The following CADPS2 variants were observed in gnomAD, a reference collection of about 807,000 sequenced individuals.
The protein encoded by CADPS2 is calcium-dependent secretion activator 2.
Under a neutral mutation model 172.5 loss-of-function variants are expected in CADPS2, and 93 were observed. The observed-to-expected ratio is 0.54, with a 90% confidence interval of 0.46 to 0.64. The LOEUF (loss-of-function observed/expected upper bound fraction) is 0.64, where lower values mean the gene tolerates loss of function less well. Among genes scored for constraint, CADPS2 ranks in the 30% least tolerant of loss-of-function variants. The pLI, the probability that CADPS2 is intolerant of heterozygous loss-of-function variation, is 0.00. For missense variants in CADPS2, 1,420 were observed against 1,565.9 expected (o/e 0.91, Z 1.57); for synonymous variants, 546 against 555.2 (o/e 0.98, Z 0.23).
At chr7:122,581,851 A>G (rs2068870570) in intron 6 of CADPS2, among the ~76,000 whole-genome samples, 1 of 152,126 alleles carries the variant, frequency 6.6e-6, no homozygotes, top group Admixed American at 6.5e-5. Flanking sequence ...TTTGTAGTTA[A>G]TTTCCCACTA....
chr7:122,677,904 C>G (rs565478313), intron 2 of CADPS2, among the ~76,000 whole-genome samples: 1 of 152,156 alleles, frequency 6.6e-6, no homozygotes, highest in Non-Finnish European at 1.5e-5. Context: ...TCAAGCATTC[C>G]GCAGCTTGAT....
chr7:122,351,253 G>T (rs1327785926), intron 27 of CADPS2, among the ~76,000 whole-genome samples: 1 of 150,478 alleles, frequency 6.6e-6, no homozygotes, highest in Non-Finnish European at 1.5e-5. Flanking sequence ...GGTGCCTGTA[G>T]TCCCAGCTAC....
At chr7:122,551,386 T>C (rs192353039) in intron 8 of CADPS2, among the ~76,000 whole-genome samples, 55 of 152,122 alleles carry the variant, frequency 3.6e-4, no homozygotes, top group African/African-American at 1.3e-3. Context: ...GTGGGAGGCA[T>C]TGAGAATTCA....
intron 1 of CADPS2, among the ~76,000 whole-genome samples, chr7:122,867,111 T>G (rs1003217434): frequency 6.6e-6 from 1 of 152,148 alleles, no homozygotes; most frequent in Non-Finnish European, 1.5e-5. Flanking sequence ...TGCTACCTGC[T>G]TCTACAAGAG....
At chr7:122,656,949 A>T (rs2079876020) in intron 3 of CADPS2, among the ~76,000 whole-genome samples, 1 of 152,148 alleles carries the variant, frequency 6.6e-6, no homozygotes, top group South Asian at 2.1e-4. Context: ...TAGGTCTAAC[A>T]CTTAAGTCTT....
chr7:122,618,738 C>A lies in CADPS2; in HGVS notation c.1104+2743G>T, dbSNP rs756019586. On this transcript the variant is annotated intron_variant, in intron 5 of 29. Transcript: ENST00000449022. ...TGAGGAGCAAGGCTTGCTGAAAGGA[C>A]TAGAGATAATTATTCAGTTTAGCTT... Among the ~76,000 whole-genome samples, 64 of 152,142 alleles carry A rather than the reference C, an allele frequency of 4.2e-4. 4 individuals carry two copies. Among genetic ancestry groups the A allele is most frequent in the Non-Finnish European group, 1.5e-4 (10 of 68,030 alleles).
chr7:122,645,793 T>C (rs2078487157), intron 3 of CADPS2, among the ~76,000 whole-genome samples: 1 of 147,928 alleles, frequency 6.8e-6, no homozygotes, highest in Non-Finnish European at 1.5e-5. Context: ...ATATGAGATA[T>C]ATATAAACAT....
intron 1 of CADPS2, among the ~76,000 whole-genome samples, chr7:122,748,015 C>A (rs1562927442): frequency 6.6e-6 from 1 of 152,152 alleles, no homozygotes; most frequent in African/African-American, 2.4e-5. Flanking sequence ...TACTAGGATG[C>A]AGATTTCTTC....
At chr7:122,715,856 G>T (rs2089520080) in intron 2 of CADPS2, among the ~76,000 whole-genome samples, 1 of 152,042 alleles carries the variant, frequency 6.6e-6, no homozygotes, top group South Asian at 2.1e-4. Flanking sequence ...ATAATGACAT[G>T]ATTTTGCTCC....
intron 28 of CADPS2, among the ~76,000 whole-genome samples, chr7:122,327,330 T>C (rs1311623326): frequency 1.3e-5 from 2 of 152,116 alleles, no homozygotes; most frequent in Non-Finnish European, 2.9e-5. Flanking sequence ...GTACAGTCAA[T>C]TGAGGCCCTT....
At chr7:122,578,212 C>CATAT (rs34509722) in intron 7 of CADPS2, among the ~76,000 whole-genome samples, 6 of 151,370 alleles carry the variant, frequency 4.0e-5, no homozygotes, top group Admixed American at 1.3e-4. Context: ...AATGTGTGCA[C>CATAT]ATATATATAT....
At chr7:122,487,623 G>T (rs931500845) in intron 11 of CADPS2, among the ~76,000 whole-genome samples, 2 of 152,086 alleles carry the variant, frequency 1.3e-5, no homozygotes, top group African/African-American at 4.8e-5. Flanking sequence ...AGTATGAAAG[G>T]CTTAGAAATT....
intron 1 of CADPS2, among the ~76,000 whole-genome samples, chr7:122,878,628 A>ACTGGGC (rs1821969870): frequency 6.9e-6 from 1 of 145,910 alleles, no homozygotes; most frequent in Non-Finnish European, 1.5e-5. Context: ...CGACAGAGCA[A>ACTGGGC]GACTCTGTCT....
intron 8 of CADPS2, among the ~76,000 whole-genome samples, chr7:122,532,752 G>A (rs962992316): frequency 1.3e-5 from 2 of 152,068 alleles, no homozygotes; most frequent in Non-Finnish European, 2.9e-5. Context: ...TATTTAAAAG[G>A]TATTTTATCT....
At chr7:122,448,939 T>A (rs1419475276) in intron 15 of CADPS2, among the ~76,000 whole-genome samples, 1 of 151,462 alleles carries the variant, frequency 6.6e-6, no homozygotes, top group African/African-American at 2.4e-5. Context: ...AAAAAAAAAA[T>A]AAAAAAATTA....
chr7:122,407,571 G>C lies in CADPS2; in HGVS notation c.2715C>G (p.Phe905Leu). Residue 905 changes from phenylalanine (F) to leucine (L), a missense_variant, in exon 20 of 30, where the codon TTC becomes TTG. Physicochemically the swap from Phe to Leu is conservative, Grantham distance 22 (BLOSUM62 0). Coordinates refer to ENST00000449022, the MANE Select transcript of CADPS2 (RefSeq NM_017954.11). ...TTCGGAGGAAATTATTAAGCAGTTG[G>C]AAAAGAGGAAAACTATCCCAGGAGT... is the stretch of plus-strand genomic sequence containing the variant. ...PQDSWDSFPLFQLLNNFLRND... is the reference protein window; with the variant it reads ...PQDSWDSFPLLQLLNNFLRND... 6.2e-7 allele frequency: 1 copy of C among 1,612,162 alleles called. No homozygotes were observed. Among genetic ancestry groups the C allele is most frequent in the Non-Finnish European group, 8.5e-7 (1 of 1,179,144 alleles).
intron 2 of CADPS2, among the ~76,000 whole-genome samples, chr7:122,672,702 G>A (rs1564024027): frequency 1.3e-5 from 2 of 152,156 alleles, no homozygotes. Context: ...GCAGCCAGAT[G>A]TCCTGCTGGT....
intron 2 of CADPS2, chr7:122,701,985 C>A (rs767290149): frequency 1.9e-6 from 3 of 1,613,570 alleles, no homozygotes; most frequent in East Asian, 2.2e-5. Context: ...ACACAGTTGT[C>A]TTCATTTAGG....
At chr7:122,514,222 T>G (rs1369643911) in intron 8 of CADPS2, among the ~76,000 whole-genome samples, 1 of 151,980 alleles carries the variant, frequency 6.6e-6, no homozygotes, top group Non-Finnish European at 1.5e-5. Flanking sequence ...AGGCCTAATT[T>G]TAAGACTAAA....
Sources: gnomAD v4.1 joint callset for allele counts (sites outside exome capture counted in the v4.1 genomes callset) on GRCh38, gnomAD v4.1.1 for gene constraint, MANE v1.5 for transcripts, NCBI Gene and HGNC (gene_info 2026-07-23, HGNC 2026-07-21) for gene names.